Variants in DCDC1 observed in about 807,000 individuals in gnomAD.
DCDC1 encodes the protein doublecortin domain containing 1, also known as doublecortin domain-containing protein 1.
DCDC1 carries 200 observed loss-of-function variants against 178.3 expected under a neutral mutation model. The observed-to-expected ratio is 1.12, with a 90% CI of 1.00 to 1.26. The LOEUF (loss-of-function observed/expected upper bound fraction) is 1.26. Ranked by LOEUF, DCDC1 falls within the 50% of genes most tolerant of loss-of-function variation. The pLI is 0.00. For synonymous variants in DCDC1, 690 were observed against 604.8 expected, an observed-to-expected ratio of 1.14 and a Z score of -2.07; for missense variants, 1,983 against 1,749.2, an observed-to-expected ratio of 1.13 and a Z score of -2.38.
At chr11:31,178,146 A>G (rs1968316834) in intron 9 of DCDC1, among the ~76,000 whole-genome samples, 1 of 152,238 alleles carries the variant, frequency 6.6e-6, no homozygotes, top group South Asian at 2.1e-4. Context: ...AACAAGTTGT[A>G]ACCAGCTATA....
intron 8 of DCDC1, among the ~76,000 whole-genome samples, chr11:31,263,820 TA>T (rs1356478880): frequency 1.3e-5 from 2 of 152,168 alleles, no homozygotes; most frequent in Admixed American, 6.5e-5. Context: ...CCCTTGCAGT[TA>T]AAGGCATGTT....
intron 20 of DCDC1, among the ~76,000 whole-genome samples, chr11:30,957,809 C>A (rs1335569515): frequency 2.0e-5 from 3 of 152,130 alleles, no homozygotes; most frequent in Non-Finnish European, 4.4e-5. Context: ...CAACGACATC[C>A]TATATTGTAC....
intron 20 of DCDC1, among the ~76,000 whole-genome samples, chr11:30,964,535 C>T (rs1355831358): frequency 6.6e-6 from 1 of 152,124 alleles, no homozygotes; most frequent in Non-Finnish European, 1.5e-5. Flanking sequence ...TGAATACCAG[C>T]TTACAAAGAC....
chr11:31,141,480 A>G (rs1268248667), intron 9 of DCDC1, among the ~76,000 whole-genome samples: 1 of 152,182 alleles, frequency 6.6e-6, no homozygotes, highest in African/African-American at 2.4e-5. Context: ...TATGTGTTAT[A>G]TAAAATGTGC....
intron 17 of DCDC1, among the ~76,000 whole-genome samples, chr11:31,078,682 A>G (rs1957001279): frequency 6.6e-6 from 1 of 152,186 alleles, no homozygotes; most frequent in African/African-American, 2.4e-5. Context: ...TTCAGTACAC[A>G]TTAGTCTTTA....
At chr11:31,026,810 T>A (rs1953274138) in intron 20 of DCDC1, among the ~76,000 whole-genome samples, 1 of 151,808 alleles carries the variant, frequency 6.6e-6, no homozygotes, top group African/African-American at 2.4e-5. Context: ...CTAGCCTTTT[T>A]GATGGAAAAA....
chr11:31,030,190 T>C (rs1457694559), intron 20 of DCDC1, among the ~76,000 whole-genome samples: 1 of 152,082 alleles, frequency 6.6e-6, no homozygotes, highest in Non-Finnish European at 1.5e-5. Context: ...GGATTTCTTA[T>C]GGCTATTTAC....
At chr11:31,183,691 A>T (rs1247261892) in intron 9 of DCDC1, among the ~76,000 whole-genome samples, 1 of 152,208 alleles carries the variant, frequency 6.6e-6, no homozygotes, top group Non-Finnish European at 1.5e-5. Context: ...CTACAAAGAG[A>T]ATAAAATACC....
intron 20 of DCDC1, among the ~76,000 whole-genome samples, chr11:31,058,505 G>A (rs1448785050): frequency 6.6e-6 from 1 of 152,100 alleles, no homozygotes; most frequent in East Asian, 1.9e-4. Context: ...GAAAGAGAAT[G>A]ATAGGGTATG....
chr11:31,243,469 C>G (rs1288540255), intron 8 of DCDC1, among the ~76,000 whole-genome samples: 2 of 151,626 alleles, frequency 1.3e-5, no homozygotes, highest in Admixed American at 6.6e-5. Flanking sequence ...GATTTACACC[C>G]TAGAGTTAAT....
chr11:31,191,464 AGTCCTAGAG>A (rs1239579855), intron 9 of DCDC1, among the ~76,000 whole-genome samples: 2 of 152,126 alleles, frequency 1.3e-5, no homozygotes, highest in African/African-American at 4.8e-5. Flanking sequence ...GACAGAAGAG[AGTCCTAGAG>A]GTCCACAGAC....
chr11:30,891,752 C>A (rs983313909), intron 36 of DCDC1, among the ~76,000 whole-genome samples: 3 of 152,260 alleles, frequency 2.0e-5, no homozygotes, highest in South Asian at 2.1e-4. Context: ...TTGGGGTATA[C>A]ATTTTTCATA....
intron 6 of DCDC1, among the ~76,000 whole-genome samples, chr11:31,292,833 C>T (rs751104094): frequency 8.5e-5 from 10 of 117,990 alleles, no homozygotes; most frequent in Non-Finnish European, 1.4e-4. Flanking sequence ...CATTGTCAGA[C>T]AGTATTTCTC....
At chr11:31,012,878 T>A (rs1952257413) in intron 20 of DCDC1, among the ~76,000 whole-genome samples, 1 of 152,098 alleles carries the variant, frequency 6.6e-6, no homozygotes, top group South Asian at 2.1e-4. Flanking sequence ...ATAATAAAAA[T>A]ATTAGTGAAT....
rs757210089 is a variant in DCDC1 at position 31,137,772 on chromosome 11, T to C, written c.1234A>G (p.Met412Val). ...KKYYKQLNLV[M>V]NEQKEKITEK... is the part of the protein sequence containing the mutation. The stretch of plus-strand genomic sequence containing the variant: ...GTAATTTTCTCCTTCTGTTCATTCA[T>C]GACCAGGTTCAACTAGAAAAAACAA... Residue 412 changes from methionine to valine, a missense_variant, in exon 10 of 39, where the codon ATG becomes GTG. Coordinates refer to ENST00000684477, the MANE Select transcript of DCDC1 (RefSeq NM_001387274.1). 1.4e-6 allele frequency: 1 copy of C among 702,686 alleles called. No homozygotes were observed. Among genetic ancestry groups the C allele is most frequent in the South Asian group, 1.5e-5 (1 of 67,540 alleles). The allele number at this position is 702,686 out of a possible 1,614,324, so 43.5% of individuals were successfully genotyped here.
At chr11:30,885,644 T>A (rs927887833) in intron 36 of DCDC1, among the ~76,000 whole-genome samples, 2 of 152,090 alleles carry the variant, frequency 1.3e-5, no homozygotes, top group Non-Finnish European at 2.9e-5. Flanking sequence ...TTTTCTTCTG[T>A]CGAACCTGCA....
chr11:30,929,946 A>G (rs1034938613), intron 22 of DCDC1, among the ~76,000 whole-genome samples: 1 of 152,114 alleles, frequency 6.6e-6, no homozygotes, highest in Non-Finnish European at 1.5e-5. Flanking sequence ...AAGAACCAAT[A>G]ACAACAACAA....
At chr11:31,238,070 G>A (rs1976665146) in intron 9 of DCDC1, among the ~76,000 whole-genome samples, 1 of 151,804 alleles carries the variant, frequency 6.6e-6, no homozygotes, top group Admixed American at 6.6e-5. Context: ...GAAAGTTTAT[G>A]AGTGCTTTCA....
chr11:31,067,145 A>G (rs1431602186), intron 18 of DCDC1, among the ~76,000 whole-genome samples: 2 of 152,172 alleles, frequency 1.3e-5, no homozygotes, highest in East Asian at 3.8e-4. Context: ...GCCATGAAGA[A>G]AGTAAAAAAA....
Sources: allele counts gnomAD v4.1 joint callset (sites outside exome capture counted in the v4.1 genomes callset), GRCh38; gene constraint gnomAD v4.1.1; transcripts MANE v1.5; gene names NCBI Gene and HGNC (gene_info 2026-07-23, HGNC 2026-07-21).